DPP6: variants seen among roughly 807,000 people sequenced by gnomAD.
DPP6 encodes the protein dipeptidyl peptidase like 6.
In DPP6, 69 loss-of-function variants were observed where a neutral mutation model predicts 122.6. That is an observed-to-expected ratio of 0.56 (90% CI 0.46 to 0.69). DPP6 has a LOEUF of 0.69. DPP6 is among the 30% of genes least tolerant of loss of function. The pLI, the probability that DPP6 is intolerant of heterozygous loss-of-function variation, is 0.00. For missense variants in DPP6, 928 were observed against 1,116.9 expected (o/e 0.83, Z 2.41); for synonymous variants, 418 against 433.1 (o/e 0.97, Z 0.43).
chr7:154,223,843 G>A (rs1800442130), intron 1 of DPP6, among the ~76,000 whole-genome samples: 2 of 148,832 alleles, frequency 1.3e-5, no homozygotes, highest in South Asian at 4.2e-4. Flanking sequence ...TGGAGAATAG[G>A]CAGGAGGGGA....
the DPP6 span, among the ~76,000 whole-genome samples, chr7:153,819,077 C>CTTTTCTTT: frequency 1.0e-5 from 1 of 99,868 alleles, no homozygotes; most frequent in East Asian, 2.9e-4. Context: ...CTTTTCTTTT[C>CTTTTCTTT]TTTTTTTTTT....
chr7:154,574,967 GGT>G (rs1831444009), intron 5 of DPP6, among the ~76,000 whole-genome samples: 1 of 140,806 alleles, frequency 7.1e-6, no homozygotes, highest in East Asian at 2.4e-4. Flanking sequence ...GTTTTTGTGT[GGT>G]GTGTGGTGTG....
chr7:153,921,260 G>A (rs1414940399), intron 1 of DPP6, among the ~76,000 whole-genome samples: 2 of 152,252 alleles, frequency 1.3e-5, no homozygotes, highest in East Asian at 3.9e-4. Context: ...CCGGGAGCAA[G>A]CCTCTCCTCC....
At chr7:154,333,226 G>A (rs1809110134) in intron 1 of DPP6, among the ~76,000 whole-genome samples, 1 of 151,628 alleles carries the variant, frequency 6.6e-6, no homozygotes, top group Non-Finnish European at 1.5e-5. Context: ...GTTTGACTAT[G>A]TGAGGAAATA....
chr7:154,012,772 T>A (rs1373439588), intron 1 of DPP6, among the ~76,000 whole-genome samples: 2 of 152,244 alleles, frequency 1.3e-5, no homozygotes, highest in African/African-American at 2.4e-5. Flanking sequence ...TTTTTCCTAG[T>A]TATTGGCAGT....
In DPP6 at chr7:154,575,414, G is replaced by GTA. The variant is rs1586662933; in HGVS notation, c.627+8500_627+8501dup. ...TGTGTAGTGTGTGTGTGGTGTTTGT[G>GTA]TATGTGTGTGTGGTGTGTATGTGTG... On this transcript the variant is annotated intron_variant, in intron 5 of 25. Coordinates refer to ENST00000377770, the MANE Select transcript of DPP6 (RefSeq NM_130797.4). 0.029 allele frequency among the ~76,000 whole-genome samples: 3,054 copies of GTA among 104,844 alleles called. 378 individuals are homozygous for GTA. The East Asian group carries it at 0.36, about 12-fold the overall frequency. The allele number at this position is 104,844 out of a possible 152,430, so 68.8% of individuals were successfully genotyped here. A position where few individuals can be genotyped will look rare whatever the true frequency, so the allele number is the denominator to read the frequency against.
At chr7:154,098,258 C>T (rs140544561) in intron 1 of DPP6, among the ~76,000 whole-genome samples, 10,913 of 151,328 alleles carry the variant, frequency 0.072, 1 homozygote, top group East Asian at 0.22. Flanking sequence ...TTCCTGCTGC[C>T]GTGTGAAGAA....
At chr7:154,102,084 G>A (rs558128721) in intron 1 of DPP6, among the ~76,000 whole-genome samples, 1 of 152,078 alleles carries the variant, frequency 6.6e-6, no homozygotes, top group South Asian at 2.1e-4. Flanking sequence ...GGACCTCAAA[G>A]ATGAAGCTAT....
intron 1 of DPP6, among the ~76,000 whole-genome samples, chr7:154,329,577 C>T (rs1011122653): frequency 5.3e-5 from 8 of 152,204 alleles, no homozygotes; most frequent in African/African-American, 1.9e-4. Flanking sequence ...CGCTTTCACA[C>T]TGTTGGGGGG....
Position 154,747,789 on chromosome 7 carries a change from A to G in DPP6, c.883+19902A>G, listed in dbSNP as rs148676770. Among the ~76,000 whole-genome samples the G allele has an allele frequency of 4.5e-3, 679 of 152,280 alleles. 1 individual carries two copies. Among genetic ancestry groups the G allele is most frequent in the African/African-American group, 0.015 (639 of 41,548 alleles). On this transcript the variant is annotated intron_variant, in intron 8 of 25. Transcript: ENST00000377770. ...CTCAGCAATGCGGAGACGGTGTCCA[A>G]TTCTCCACTGACACCCTAGTTTTTT...
chr7:154,071,054 A>G (rs1224692638), intron 1 of DPP6, among the ~76,000 whole-genome samples: 7 of 152,198 alleles, frequency 4.6e-5, no homozygotes, highest in Admixed American at 2.0e-4. Context: ...TTTTTTGCTG[A>G]TAAAGGTGGA....
intron 20 of DPP6, 71 bp downstream of exon 20, chr7:154,876,171 C>G (rs1804834707): frequency 1.4e-6 from 2 of 1,464,794 alleles, no homozygotes; most frequent in Non-Finnish European, 1.8e-6. Context: ...GCACCGCAGT[C>G]ACAGTGCGGG....
intron 1 of DPP6, among the ~76,000 whole-genome samples, chr7:153,997,828 C>G (rs1278773564): frequency 3.3e-5 from 5 of 151,138 alleles, no homozygotes; most frequent in African/African-American, 4.9e-5. Context: ...TTCATGCCAC[C>G]TACATTTTAA....
At chr7:154,433,585 A>AC (rs1199889384) in intron 1 of DPP6, among the ~76,000 whole-genome samples, 2 of 152,074 alleles carry the variant, frequency 1.3e-5, no homozygotes, top group African/African-American at 4.8e-5. Flanking sequence ...TGACGTGCAC[A>AC]CCCGGGGGTT....
At chr7:154,127,597 T>TCTCA (rs1438098845) in intron 1 of DPP6, among the ~76,000 whole-genome samples, 6 of 136,742 alleles carry the variant, frequency 4.4e-5, no homozygotes, top group African/African-American at 1.5e-4. Context: ...GAGCAGCATC[T>TCTCA]CACACACACA....
intron 1 of DPP6, among the ~76,000 whole-genome samples, chr7:154,280,451 C>A (rs1013873335): frequency 5.3e-5 from 8 of 152,292 alleles, no homozygotes; most frequent in Non-Finnish European, 1.2e-4. Flanking sequence ...GCAGCCTCCC[C>A]CTTCCATCTT....
chr7:153,967,348 C>T (rs1053160187), intron 1 of DPP6, among the ~76,000 whole-genome samples: 4 of 152,108 alleles, frequency 2.6e-5, no homozygotes, highest in Admixed American at 2.6e-4. Context: ...AGGAGATGGC[C>T]TTGCAGTTTG....
the DPP6 span, among the ~76,000 whole-genome samples, chr7:153,866,944 A>G: frequency 1.3e-5 from 2 of 152,130 alleles, no homozygotes; most frequent in African/African-American, 2.4e-5. Context: ...AGGTTTGTCA[A>G]AGATCAGATA....
At chr7:154,090,934 C>T (rs1212998065) in intron 1 of DPP6, among the ~76,000 whole-genome samples, 1 of 149,070 alleles carries the variant, frequency 6.7e-6, no homozygotes, top group South Asian at 2.2e-4. Flanking sequence ...TCCTGGCTAA[C>T]ACAGTGAAAC....
Sources: gnomAD v4.1 joint callset for allele counts (sites outside exome capture counted in the v4.1 genomes callset) on GRCh38, gnomAD v4.1.1 for gene constraint, MANE v1.5 for transcripts, NCBI Gene and HGNC (gene_info 2026-07-23, HGNC 2026-07-21) for gene names.